The following GALNT2 variants were observed in gnomAD, a reference collection of about 807,000 sequenced individuals.
The protein encoded by GALNT2 is polypeptide N-acetylgalactosaminyltransferase 2.
A neutral mutation model predicts 81.4 loss-of-function variants in GALNT2; 31 were observed. The ratio of observed to expected loss-of-function variants is 0.38; its 90% CI spans 0.29 to 0.51. GALNT2 has a LOEUF of 0.51. Ranked by LOEUF, GALNT2 falls within the 20% of genes least tolerant of loss-of-function variation. The pLI is 0.87. For synonymous variants in GALNT2, 303 were observed against 287.4 expected, an observed-to-expected ratio of 1.05 and a Z score of -0.55; for missense variants, 629 against 765.7, an observed-to-expected ratio of 0.82 and a Z score of 2.11.
At chr1:230,087,266 C>G (rs142413345) in intron 1 of GALNT2, among the ~76,000 whole-genome samples, 1 of 152,342 alleles carries the variant, frequency 6.6e-6, no homozygotes, top group East Asian at 1.9e-4. Context: ...TAAGAGCTCC[C>G]TCATCTGATG....
At chr1:230,115,762 C>T (rs1660826035) in intron 1 of GALNT2, among the ~76,000 whole-genome samples, 1 of 152,222 alleles carries the variant, frequency 6.6e-6, no homozygotes, top group African/African-American at 2.4e-5. Context: ...CACAGTAGGA[C>T]TTCTTTCAGA....
Position 230,217,519 on chromosome 1 carries a change from A to G in GALNT2, c.374+14229A>G, listed in dbSNP as rs576583181. Among the ~76,000 whole-genome samples, 8 of 152,346 alleles carry G rather than the reference A, an allele frequency of 5.3e-5. No homozygotes were observed. In the South Asian group the frequency reaches 1.0e-3, roughly 20 times the overall value. On this transcript the variant is annotated intron_variant, in intron 3 of 15. Transcript: ENST00000366672. ...CCAAGCCCTAGGAGCCTGGAGGCGC[A>G]TGGTAAGGGCATTGGCTTTGTCTCT...
chr1:230,262,864 G>A, intron 12 of GALNT2, 58 bp from the exon 13 acceptor site: 2 of 1,538,756 alleles, frequency 1.3e-6, no homozygotes, highest in Admixed American at 1.7e-5. Flanking sequence ...CAAGTTTGAT[G>A]TAGAAAGCCC....
chr1:230,182,560 T>C (rs1374973897), intron 2 of GALNT2, among the ~76,000 whole-genome samples: 4 of 152,286 alleles, frequency 2.6e-5, no homozygotes, highest in Non-Finnish European at 4.4e-5. Context: ...CTTTCTGTTA[T>C]TGAATCTAGT....
At chr1:230,067,168 G>A (rs968313405), upstream of GALNT2, 3 of 528,830 alleles carry the variant, frequency 5.7e-6, no homozygotes, top group Non-Finnish European at 7.8e-6. Flanking sequence ...AGGAGGAGCC[G>A]CCGCCGCGCC....
intron 1 of GALNT2, among the ~76,000 whole-genome samples, chr1:230,100,701 C>T (rs1372711311): frequency 1.3e-5 from 2 of 152,086 alleles, no homozygotes; most frequent in African/African-American, 2.4e-5. Flanking sequence ...CACAGGGAAC[C>T]GAATAACTTG....
At chr1:230,161,344 G>C (rs1429867744) in intron 1 of GALNT2, among the ~76,000 whole-genome samples, 5 of 152,220 alleles carry the variant, frequency 3.3e-5, no homozygotes, top group South Asian at 2.1e-4. Flanking sequence ...AGCATTCTAA[G>C]AGGGCATGTC....
chr1:230,250,754 A>G (rs1314336908), intron 10 of GALNT2, among the ~76,000 whole-genome samples, 194 bp downstream of exon 10: 1 of 152,130 alleles, frequency 6.6e-6, no homozygotes, highest in African/African-American at 2.4e-5. Context: ...GTGCCTCCCT[A>G]GGTTAGAGTG....
intron 1 of GALNT2, among the ~76,000 whole-genome samples, chr1:230,167,072 T>G (rs1314374536): frequency 6.6e-6 from 1 of 150,582 alleles, no homozygotes; most frequent in Non-Finnish European, 1.5e-5. Flanking sequence ...TTGGGGCTCT[T>G]TGCATATCAT....
chr1:230,074,980 T>G (rs1274748359), intron 1 of GALNT2, among the ~76,000 whole-genome samples: 1 of 152,188 alleles, frequency 6.6e-6, no homozygotes, highest in East Asian at 1.9e-4. Context: ...CCTGGCTTGC[T>G]CCTGCTCCCT....
intron 1 of GALNT2, among the ~76,000 whole-genome samples, chr1:230,142,208 C>G (rs571510817): frequency 1.3e-5 from 2 of 152,096 alleles, no homozygotes; most frequent in African/African-American, 4.8e-5. Context: ...AGCCAGGAAG[C>G]ATGAGGGATG....
chr1:230,071,312 C>T (rs76111390), intron 1 of GALNT2, among the ~76,000 whole-genome samples: 1,678 of 152,178 alleles, frequency 0.011, 31 homozygotes, highest in African/African-American at 0.039. Context: ...GGGAAGTTGT[C>T]CAGACACCAT....
chr1:230,155,176 A>G (rs748793027), intron 1 of GALNT2, among the ~76,000 whole-genome samples: 17 of 152,102 alleles, frequency 1.1e-4, no homozygotes, highest in Non-Finnish European at 2.1e-4. Context: ...CTTCTGTGTG[A>G]GAGCGTCACT....
At chr1:230,277,640 T>G (rs1390899111) in intron 15 of GALNT2, among the ~76,000 whole-genome samples, 1 of 152,180 alleles carries the variant, frequency 6.6e-6, no homozygotes, top group Admixed American at 6.5e-5. Flanking sequence ...GAACTCCAGG[T>G]GAGCAGGTGG....
Position 230,280,052 on chromosome 1 carries a change from A to G in GALNT2, c.*594A>G. On this transcript the variant is annotated 3_prime_UTR_variant, in exon 16 of 16. Coordinates refer to ENST00000366672, the MANE Select transcript of GALNT2 (RefSeq NM_004481.5). ...AGGATGAAGTTTTCTATGGTGGGAC[A>G]CTAAATATAAAGCTATATAGAGAAA... 1 of 455,782 alleles carries G rather than the reference A, an allele frequency of 2.2e-6. No individual in the cohort carries two copies. Among genetic ancestry groups the G allele is most frequent in the Non-Finnish European group, 4.4e-6 (1 of 226,622 alleles). 28.2% of individuals were successfully genotyped at this position (455,782 alleles called of 1,614,324 possible). A position where few individuals can be genotyped will look rare whatever the true frequency, so the allele number is the denominator to read the frequency against.
At chr1:230,059,955 A>G (rs1177002963) in intron 1 of GALNT2, among the ~76,000 whole-genome samples, 1 of 152,204 alleles carries the variant, frequency 6.6e-6, no homozygotes, top group Admixed American at 6.5e-5. Flanking sequence ...ATTGGACATT[A>G]TACTATTTAC....
chr1:230,233,015 A>G (rs973823116), intron 3 of GALNT2, among the ~76,000 whole-genome samples: 1 of 152,210 alleles, frequency 6.6e-6, no homozygotes, highest in Non-Finnish European at 1.5e-5. Context: ...TTTTAATTGC[A>G]CTGCTTTTCA....
intron 14 of GALNT2, 137 bp from the exon 15 acceptor site, chr1:230,274,308 T>C (rs1274911529): frequency 1.7e-6 from 2 of 1,180,686 alleles, no homozygotes; most frequent in East Asian, 2.5e-5. Flanking sequence ...AATTGTTTCG[T>C]TCTCAGTTGG....
At chr1:230,188,209 A>C (rs1663406111) in intron 2 of GALNT2, among the ~76,000 whole-genome samples, 1 of 152,188 alleles carries the variant, frequency 6.6e-6, no homozygotes, top group Non-Finnish European at 1.5e-5. Context: ...ATGTGGCCCC[A>C]CTTTGGAGAC....
Sources: gnomAD v4.1 joint callset for allele counts (sites outside exome capture counted in the v4.1 genomes callset) on GRCh38, gnomAD v4.1.1 for gene constraint, MANE v1.5 for transcripts, NCBI Gene and HGNC (gene_info 2026-07-23, HGNC 2026-07-21) for gene names.